ARHGEF10: variants seen among roughly 807,000 people sequenced by gnomAD.
ARHGEF10 encodes the protein Rho guanine nucleotide exchange factor 10.
ARHGEF10 carries 140 observed loss-of-function variants against 147.4 expected under a neutral mutation model. The ratio of observed to expected loss-of-function variants is 0.95; its 90% CI spans 0.83 to 1.09. ARHGEF10 has a LOEUF of 1.09. Among genes scored for constraint, ARHGEF10 ranks in the 50% least tolerant of loss-of-function variants. The pLI is 0.00. For missense variants in ARHGEF10, 2,222 were observed against 1,752.7 expected, an observed-to-expected ratio of 1.27 and a Z score of -4.78; for synonymous variants, 902 against 695.8, an observed-to-expected ratio of 1.30 and a Z score of -4.67.
intron 8 of ARHGEF10, 53 bp downstream of exon 8, chr8:1,876,787 G>A: frequency 1.9e-6 from 3 of 1,588,900 alleles, no homozygotes; most frequent in Non-Finnish European, 2.6e-6. Context: ...AACACGGACA[G>A]GGGGCTGTGA....
chr8:1,952,439 C>T (rs1335739082), intron 27 of ARHGEF10, among the ~76,000 whole-genome samples: 1 of 152,230 alleles, frequency 6.6e-6, no homozygotes, highest in African/African-American at 2.4e-5. Flanking sequence ...CAAGCAGAGC[C>T]ATGCAGACGA....
chr8:1,849,978 CTG>C (rs1475347647), intron 2 of ARHGEF10, among the ~76,000 whole-genome samples: 260 of 112,380 alleles, frequency 2.3e-3, no homozygotes, highest in Non-Finnish European at 3.6e-3. Flanking sequence ...CGTGGGCCGG[CTG>C]CATGGACACA....
At chr8:1,933,294 A>G (rs376847116) in intron 25 of ARHGEF10, among the ~76,000 whole-genome samples, 31 of 152,190 alleles carry the variant, frequency 2.0e-4, no homozygotes, top group African/African-American at 6.5e-4. Flanking sequence ...GAAATGTAAC[A>G]TCTGCCCAGT....
chr8:1,828,527 C>T lies in ARHGEF10; in HGVS notation c.-48+4414C>T, dbSNP rs980797734. 1.2e-4 allele frequency among the ~76,000 whole-genome samples: 17 copies of T among 143,348 alleles called. 1 individual carries two copies. The highest frequency in any genetic ancestry group is 2.0e-4 in the Non-Finnish European group (13 of 66,328). The allele number at this position is 143,348 out of a possible 152,430, so 94.0% of individuals were successfully genotyped here. A position where few individuals can be genotyped will look rare whatever the true frequency, so the allele number is the denominator to read the frequency against. On this transcript the variant is annotated intron_variant, in intron 1 of 28. Coordinates refer to ENST00000349830, the MANE Select transcript of ARHGEF10 (RefSeq NM_014629.4). ...TTTAAGGAATTACATTTTGATAAAC[C>T]GTGGCATGCACACTTACTGTTTTAA... is the stretch of plus-strand genomic sequence containing the variant.
intron 23 of ARHGEF10, chr8:1,927,384 A>G (rs997119624): frequency 2.6e-5 from 4 of 152,218 alleles, no homozygotes; most frequent in African/African-American, 9.7e-5. Flanking sequence ...AACAAATACA[A>G]GAATAAGGAG....
chr8:1,916,017 C>T (rs1585523350), intron 18 of ARHGEF10, among the ~76,000 whole-genome samples: 1 of 152,258 alleles, frequency 6.6e-6, no homozygotes, highest in Non-Finnish European at 1.5e-5. Flanking sequence ...ATCATAGCTC[C>T]TCAGCCATGG....
intron 28 of ARHGEF10, among the ~76,000 whole-genome samples, chr8:1,956,153 C>T (rs544227270): frequency 2.6e-5 from 4 of 152,246 alleles, no homozygotes; most frequent in South Asian, 4.2e-4. Flanking sequence ...GTGGGGGTTG[C>T]GGGGCTGTGT....
At chr8:1,855,724 G>A (rs1050840333) in intron 2 of ARHGEF10, among the ~76,000 whole-genome samples, 1 of 152,054 alleles carries the variant, frequency 6.6e-6, no homozygotes, top group African/African-American at 2.4e-5. Flanking sequence ...TTTTCGTCAC[G>A]GCATTTAGTC....
chr8:1,882,479 C>G (rs544943551), intron 9 of ARHGEF10, among the ~76,000 whole-genome samples, 156 bp from the exon 10 acceptor site: 3 of 152,190 alleles, frequency 2.0e-5, no homozygotes, highest in East Asian at 3.9e-4. Flanking sequence ...TTTTTTCCAA[C>G]AAACAAAACC....
chr8:1,876,393 T>G, intron 7 of ARHGEF10, 178 bp from the exon 8 acceptor site: 1 of 666,510 alleles, frequency 1.5e-6, no homozygotes, highest in South Asian at 1.8e-5. Flanking sequence ...GCCCGGGTGG[T>G]GGAGGCGCTG....
chr8:1,890,192 A>AGTGGGGTG (rs1809365980), intron 11 of ARHGEF10, among the ~76,000 whole-genome samples: 1 of 106,762 alleles, frequency 9.4e-6, no homozygotes, highest in African/African-American at 4.0e-5. Context: ...GGAGACACTG[A>AGTGGGGTG]ATAGGGTGAG....
intron 18 of ARHGEF10, among the ~76,000 whole-genome samples, chr8:1,913,687 T>C (rs2129190955): frequency 6.6e-6 from 1 of 152,316 alleles, no homozygotes; most frequent in South Asian, 2.1e-4. Flanking sequence ...TGCCTCCCTG[T>C]GTGTTCTCAG....
intron 18 of ARHGEF10, among the ~76,000 whole-genome samples, chr8:1,919,818 GGTGATGAGCTGTTCTGTCA>G (rs1418424140): frequency 1.1e-4 from 17 of 149,372 alleles, no homozygotes; most frequent in African/African-American, 2.5e-4. Flanking sequence ...CTGTTCTGTG[GGTGATGAGCTGTTCTGTCA>G]GTGATGGAGC....
rs903463909 is a variant in ARHGEF10 at position 1,936,764 on chromosome 8, C to T, written c.3222+2822C>T. On this transcript the variant is annotated intron_variant, in intron 26 of 28. Transcript: ENST00000349830. ...TGACATTTCATGAATCATATTTGCA[C>T]ACACTGACGAGACCGGTTTCAGGAT... Among the ~76,000 whole-genome samples, 11 of 152,208 alleles carry T rather than the reference C, an allele frequency of 7.2e-5. No homozygotes were observed. The South Asian group carries it at 8.3e-4, about 11-fold the overall frequency.
chr8:1,906,764 C>T (rs1810927296), intron 17 of ARHGEF10, among the ~76,000 whole-genome samples: 1 of 152,186 alleles, frequency 6.6e-6, no homozygotes, highest in African/African-American at 2.4e-5. Flanking sequence ...TCTTGCGGGT[C>T]TCTTCAGGGA....
At position 1,829,260 on chromosome 8, in the gene ARHGEF10, G is replaced by C. The variant is rs987403836; in HGVS notation, c.-48+5147G>C. ...TTCAGAAGCTCCGTATGTTTTGTGT[G>C]AGAAGCGCTGAGCTGTGACGGAGGG... On this transcript the variant is annotated intron_variant, in intron 1 of 28. Transcript: ENST00000349830. Among the ~76,000 whole-genome samples, 5 of 152,388 alleles carry C rather than the reference G, an allele frequency of 3.3e-5. No individual in the cohort carries two copies. The East Asian group carries it at 9.6e-4, about 29-fold the overall frequency.
chr8:1,829,506 T>G (rs1802963137), intron 1 of ARHGEF10, among the ~76,000 whole-genome samples: 1 of 152,184 alleles, frequency 6.6e-6, no homozygotes, highest in Admixed American at 6.5e-5. Context: ...TCTCAAGCAC[T>G]TGACTCAGCA....
chr8:1,881,926 G>A (rs1182014486), intron 9 of ARHGEF10, among the ~76,000 whole-genome samples: 1 of 152,192 alleles, frequency 6.6e-6, no homozygotes, highest in Non-Finnish European at 1.5e-5. Context: ...CTCAGATGTT[G>A]GGTTTTTAAG....
chr8:1,889,239 C>T (rs140040408), intron 11 of ARHGEF10, among the ~76,000 whole-genome samples: 8 of 42,010 alleles, frequency 1.9e-4, no homozygotes, highest in Admixed American at 2.8e-4. Context: ...TGTGAGGAGA[C>T]ATTGAGTGGG....
Sources: allele counts gnomAD v4.1 joint callset (sites outside exome capture counted in the v4.1 genomes callset), GRCh38; gene constraint gnomAD v4.1.1; transcripts MANE v1.5; gene names NCBI Gene and HGNC (gene_info 2026-07-23, HGNC 2026-07-21).